Variants in NDST4 observed in about 807,000 individuals in gnomAD.
NDST4 encodes N-heparan sulfate sulfotransferase 4.
NDST4 carries 63 observed loss-of-function variants against 100.8 expected under a neutral mutation model. The ratio of observed to expected loss-of-function variants is 0.62; its 90% CI spans 0.51 to 0.77. The LOEUF is 0.77. Among genes scored for constraint, NDST4 ranks in the 30% least tolerant of loss-of-function variants. The pLI, the probability that NDST4 is intolerant of heterozygous loss-of-function variation, is 0.00. For synonymous variants in NDST4, 377 were observed against 361.8 expected (o/e 1.04, Z -0.48); for missense variants, 943 against 1,018.4 (o/e 0.93, Z 1.01).
chr4:115,059,022 T>C (rs1208629296), intron 2 of NDST4, among the ~76,000 whole-genome samples: 2 of 151,710 alleles, frequency 1.3e-5, no homozygotes, highest in Admixed American at 1.3e-4. Flanking sequence ...ATTAGATTTA[T>C]TGAGGTCAAG....
chr4:114,831,956 G>C (rs1208389522), intron 12 of NDST4, among the ~76,000 whole-genome samples: 1 of 152,018 alleles, frequency 6.6e-6, no homozygotes, highest in African/African-American at 2.4e-5. Flanking sequence ...GTTGTGGTTT[G>C]AGTTTTTTTT....
intron 6 of NDST4, among the ~76,000 whole-genome samples, chr4:114,904,404 T>G (rs1355915478): frequency 6.6e-6 from 1 of 151,940 alleles, no homozygotes; most frequent in African/African-American, 2.4e-5. Flanking sequence ...TACGTTATTA[T>G]TAGTAATGTA....
chr4:114,893,768 GC>G (rs1282780434), intron 6 of NDST4, among the ~76,000 whole-genome samples: 2 of 152,018 alleles, frequency 1.3e-5, no homozygotes, highest in African/African-American at 4.8e-5. Context: ...GTCAATTTTG[GC>G]TTTTGTTGCA....
chr4:114,909,306 T>C (rs1484433784), intron 6 of NDST4, among the ~76,000 whole-genome samples: 1 of 152,172 alleles, frequency 6.6e-6, no homozygotes, highest in African/African-American at 2.4e-5. Context: ...TAATTACATG[T>C]ATGATGACTT....
At chr4:115,017,566 G>A (rs1727705178) in intron 2 of NDST4, among the ~76,000 whole-genome samples, 1 of 152,004 alleles carries the variant, frequency 6.6e-6, no homozygotes, top group South Asian at 2.1e-4. Flanking sequence ...CACCTTGAAG[G>A]TCATTTTGGG....
Position 114,970,431 on chromosome 4 carries a change from A to T in NDST4, c.1220T>A (p.Leu407Gln), listed in dbSNP as rs1162948829. ...GATACCACAATAAAATGTGCTCACC[A>T]GTGCAAATTCCTTGTTGAGAATCAT... Reference protein sequence around the residue: ...EQMILNKEFALEHGIPINMGY... With the variant: ...EQMILNKEFAQEHGIPINMGY... The change falls in exon 4 of 14, where the codon CTG (leucine) becomes CAG (glutamine). Residue 407 changes from leucine to glutamine, a missense_variant and splice_region_variant. Transcript: ENST00000264363. 6.2e-7 allele frequency: 1 copy of T among 1,612,464 alleles called. No homozygotes were observed. The highest frequency in any genetic ancestry group is 8.5e-7 in the Non-Finnish European group (1 of 1,179,016).
intron 6 of NDST4, among the ~76,000 whole-genome samples, chr4:114,914,591 G>T (rs1445879499): frequency 6.6e-6 from 1 of 152,078 alleles, no homozygotes; most frequent in Admixed American, 6.5e-5. Flanking sequence ...TACAAGCTAG[G>T]GACTGTGTGT....
intron 6 of NDST4, among the ~76,000 whole-genome samples, chr4:114,887,913 T>C (rs1038381693): frequency 1.3e-5 from 2 of 152,218 alleles, no homozygotes; most frequent in Non-Finnish European, 2.9e-5. Context: ...ATCAAATTAG[T>C]TGTCCTAATA....
chr4:115,092,563 A>T (rs1282609192), intron 1 of NDST4, among the ~76,000 whole-genome samples: 1 of 152,188 alleles, frequency 6.6e-6, no homozygotes, highest in Non-Finnish European at 1.5e-5. Flanking sequence ...AATAAATAAG[A>T]ACAATAGTAT....
intron 6 of NDST4, among the ~76,000 whole-genome samples, chr4:114,914,806 C>T (rs1392543937): frequency 1.3e-5 from 2 of 152,108 alleles, no homozygotes; most frequent in Admixed American, 1.3e-4. Context: ...CTTTTAATCA[C>T]TGTTTTTTTA....
Position 114,964,125 on chromosome 4 carries a change from A to G in NDST4, c.1221+6305T>C, listed in dbSNP as rs79814896. 9.7e-3 allele frequency among the ~76,000 whole-genome samples: 1,477 copies of G among 152,308 alleles called. 25 individuals are homozygous for G. Among genetic ancestry groups the G allele is most frequent in the African/African-American group, 0.031 (1,278 of 41,566 alleles). On this transcript the variant is annotated intron_variant, in intron 4 of 13. Coordinates refer to ENST00000264363, the MANE Select transcript of NDST4 (RefSeq NM_022569.3). ...CAGAGCCTTAGCTCTAATGAAGCCA[A>G]TTACTGTGTTGTGAGCTGCCATCCT... is the stretch of plus-strand genomic sequence containing the variant.
At chr4:114,990,394 CT>C (rs1489437820) in intron 2 of NDST4, among the ~76,000 whole-genome samples, 1 of 152,004 alleles carries the variant, frequency 6.6e-6, no homozygotes, top group Non-Finnish European at 1.5e-5. Context: ...ATACAACATT[CT>C]TTGTATTGTA....
chr4:114,834,896 T>C (rs1723277940), intron 11 of NDST4, among the ~76,000 whole-genome samples: 1 of 152,234 alleles, frequency 6.6e-6, no homozygotes, highest in Non-Finnish European at 1.5e-5. Context: ...TTTATTTGCA[T>C]AGAGGTGTTT....
chr4:114,894,233 A>C (rs1042445334), intron 6 of NDST4, among the ~76,000 whole-genome samples: 1 of 151,960 alleles, frequency 6.6e-6, no homozygotes, highest in Non-Finnish European at 1.5e-5. Flanking sequence ...GTCTTCCTTC[A>C]TTCCATATGA....
chr4:114,939,796 T>G (rs1725709562), intron 4 of NDST4, among the ~76,000 whole-genome samples: 1 of 152,092 alleles, frequency 6.6e-6, no homozygotes, highest in Non-Finnish European at 1.5e-5. Flanking sequence ...GTTCATAAGG[T>G]CATCTTATCA....
chr4:115,026,353 C>A (rs1053118202), intron 2 of NDST4, among the ~76,000 whole-genome samples: 1 of 151,714 alleles, frequency 6.6e-6, no homozygotes, highest in Non-Finnish European at 1.5e-5. Context: ...TGTTTTTTCT[C>A]CAAAACACCA....
At chr4:114,944,975 C>T (rs1041814268) in intron 4 of NDST4, among the ~76,000 whole-genome samples, 9 of 151,488 alleles carry the variant, frequency 5.9e-5, no homozygotes, top group African/African-American at 9.7e-5. Flanking sequence ...TTTGGGAGGC[C>T]GAGGCAGGCG....
intron 2 of NDST4, among the ~76,000 whole-genome samples, chr4:115,054,902 T>A (rs1455648619): frequency 6.6e-6 from 1 of 152,100 alleles, no homozygotes; most frequent in Non-Finnish European, 1.5e-5. Flanking sequence ...TGAGGGTTCC[T>A]CCACTCCTGG....
intron 2 of NDST4, among the ~76,000 whole-genome samples, chr4:114,986,820 A>T (rs867194560): frequency 1.2e-5 from 1 of 82,876 alleles, no homozygotes; most frequent in African/African-American, 3.9e-5. Flanking sequence ...ATATATATAT[A>T]TATATATATA....
Sources: allele counts gnomAD v4.1 joint callset (sites outside exome capture counted in the v4.1 genomes callset), GRCh38; gene constraint gnomAD v4.1.1; transcripts MANE v1.5; gene names NCBI Gene and HGNC (gene_info 2026-07-23, HGNC 2026-07-21).